PREP: variants seen among roughly 807,000 people sequenced by gnomAD.
PREP encodes the protein prolyl endopeptidase, also known as dJ355L5.1 (prolyl endopeptidase).
PREP carries 29 observed loss-of-function variants against 87.6 expected under a neutral mutation model. That is an observed-to-expected ratio of 0.33 (90% CI 0.25 to 0.45). PREP has a LOEUF of 0.45. PREP is among the 20% of genes least tolerant of loss of function. PREP has a pLI of 1.00. For synonymous variants in PREP, 337 were observed against 328.6 expected (o/e 1.03, Z -0.28); for missense variants, 695 against 886.5 (o/e 0.78, Z 2.74).
intron 3 of PREP, among the ~76,000 whole-genome samples, chr6:105,376,523 T>G (rs1275702677): frequency 6.6e-6 from 1 of 152,258 alleles, no homozygotes; most frequent in African/African-American, 2.4e-5. Context: ...CCATTTTATG[T>G]GTTAAAATAA....
chr6:105,307,706 G>A (rs1223322880), intron 10 of PREP, among the ~76,000 whole-genome samples: 1 of 152,078 alleles, frequency 6.6e-6, no homozygotes, highest in Admixed American at 6.5e-5. Context: ...TCCACCTCCC[G>A]GGTTCAAGCA....
intron 6 of PREP, among the ~76,000 whole-genome samples, chr6:105,359,903 G>A (rs1000316102): frequency 6.6e-6 from 1 of 152,120 alleles, no homozygotes; most frequent in Middle Eastern, 3.2e-3. Flanking sequence ...GCGATCGTTC[G>A]TCACACAGGC....
At chr6:105,321,518 T>C (rs1771007711) in intron 10 of PREP, among the ~76,000 whole-genome samples, 1 of 152,242 alleles carries the variant, frequency 6.6e-6, no homozygotes, top group East Asian at 1.9e-4. Context: ...ACAGAAGCAC[T>C]TTCTTAGCTG....
chr6:105,299,835 T>C (rs531837094), intron 10 of PREP, among the ~76,000 whole-genome samples: 300 of 152,158 alleles, frequency 2.0e-3, no homozygotes, highest in African/African-American at 7.0e-3. Flanking sequence ...TGACCACCTA[T>C]CTCTAGGGAA....
chr6:105,361,204 A>C (rs919248091), intron 6 of PREP, among the ~76,000 whole-genome samples: 3 of 152,216 alleles, frequency 2.0e-5, no homozygotes, highest in Non-Finnish European at 4.4e-5. Context: ...AATTAACAGA[A>C]AAGCATTTCA....
At chr6:105,318,291 C>A (rs1770924302) in intron 10 of PREP, among the ~76,000 whole-genome samples, 1 of 152,124 alleles carries the variant, frequency 6.6e-6, no homozygotes, top group Non-Finnish European at 1.5e-5. Flanking sequence ...AAGTCACTTC[C>A]TAACAAACAT....
intron 6 of PREP, among the ~76,000 whole-genome samples, chr6:105,362,686 A>G (rs971131139): frequency 6.6e-6 from 1 of 152,082 alleles, no homozygotes; most frequent in African/African-American, 2.4e-5. Context: ...TGCTGCTGAG[A>G]TTTTCCTGTG....
intron 10 of PREP, among the ~76,000 whole-genome samples, chr6:105,301,006 C>T (rs539727958): frequency 1.1e-4 from 16 of 152,276 alleles, no homozygotes; most frequent in South Asian, 4.1e-4. Context: ...TGTGTTAAGA[C>T]GCACGAATGT....
rs1282128292 is a variant in PREP at position 105,285,535 on chromosome 6, T to C, written c.1500A>G (p.Ala500=). Residue 500 remains alanine, a synonymous_variant, in exon 12 of 15, where the codon GCA becomes GCG. Coordinates refer to ENST00000652536, the MANE Select transcript of PREP (RefSeq NM_002726.5). ...IFVRHMGGIL[A]VANIRGGGEY... is the part of the protein sequence containing the mutation. ...CGCCACCTCCTCTGATGTTGGCCAC[T>C]GCCAGGATACCACCCATGTGTCTCA... is the stretch of plus-strand genomic sequence containing the variant. The C allele has an allele frequency of 6.2e-7, 1 of 1,614,154 alleles. No individual in the cohort carries two copies. Among genetic ancestry groups the C allele is most frequent in the Non-Finnish European group, 8.5e-7 (1 of 1,180,008 alleles).
intron 10 of PREP, among the ~76,000 whole-genome samples, chr6:105,308,829 C>G (rs1375438196): frequency 6.6e-6 from 1 of 152,112 alleles, no homozygotes; most frequent in African/African-American, 2.4e-5. Context: ...GGGAGACAGA[C>G]AGACACATGA....
chr6:105,355,063 G>C (rs1180013485), intron 6 of PREP, among the ~76,000 whole-genome samples: 9 of 151,642 alleles, frequency 5.9e-5, no homozygotes, highest in African/African-American at 1.9e-4. Flanking sequence ...GTCTGAGTAA[G>C]GGAGACAGGA....
chr6:105,365,494 C>T (rs1772362453), intron 6 of PREP, among the ~76,000 whole-genome samples: 1 of 152,158 alleles, frequency 6.6e-6, no homozygotes, highest in Admixed American at 6.5e-5. Context: ...ACTGGACCAT[C>T]AATTCAGATT....
intron 10 of PREP, among the ~76,000 whole-genome samples, chr6:105,294,767 A>G (rs1190050): frequency 0.43 from 65,992 of 152,102 alleles, 18,138 homozygotes; most frequent in African/African-American, 0.79. Context: ...CCCACCTTGT[A>G]GCTCCAACTT....
chr6:105,329,738 T>C (rs1470742060), intron 8 of PREP, among the ~76,000 whole-genome samples: 2 of 152,218 alleles, frequency 1.3e-5, no homozygotes, highest in Admixed American at 1.3e-4. Context: ...TGCAAAGTGC[T>C]AGAGAGACAA....
intron 2 of PREP, among the ~76,000 whole-genome samples, chr6:105,379,643 G>A (rs570184197): frequency 3.3e-5 from 5 of 152,340 alleles, no homozygotes; most frequent in East Asian, 1.9e-4. Context: ...GAAGGAAGAC[G>A]CAACCTGGGC....
intron 2 of PREP, among the ~76,000 whole-genome samples, chr6:105,394,902 C>T (rs573651139): frequency 6.6e-6 from 1 of 152,156 alleles, no homozygotes; most frequent in Non-Finnish European, 1.5e-5. Context: ...AACAAGTAAT[C>T]ATGTCATTGT....
At chr6:105,304,756 T>TA (rs933709996) in intron 10 of PREP, among the ~76,000 whole-genome samples, 69 of 151,706 alleles carry the variant, frequency 4.5e-4, no homozygotes, top group African/African-American at 1.3e-3. Context: ...GGTGTTTCAT[T>TA]AAAAAAAAAT....
At chr6:105,317,227 G>A (rs1770897329) in intron 10 of PREP, among the ~76,000 whole-genome samples, 1 of 151,854 alleles carries the variant, frequency 6.6e-6, no homozygotes, top group African/African-American at 2.4e-5. Flanking sequence ...CAAAGTGCTG[G>A]GATTCCAGCT....
At chr6:105,280,006 C>T (rs1770044481) in intron 14 of PREP, among the ~76,000 whole-genome samples, 1 of 152,170 alleles carries the variant, frequency 6.6e-6, no homozygotes, top group South Asian at 2.1e-4. Flanking sequence ...TAATAACTTT[C>T]ATAGTGAACT....
Sources: allele counts gnomAD v4.1 joint callset (sites outside exome capture counted in the v4.1 genomes callset), GRCh38; gene constraint gnomAD v4.1.1; transcripts MANE v1.5; gene names NCBI Gene and HGNC (gene_info 2026-07-23, HGNC 2026-07-21).